CDC37: variants seen among roughly 807,000 people sequenced by gnomAD.
CDC37 encodes the protein hsp90 co-chaperone Cdc37.
CDC37 carries 9 observed loss-of-function variants against 46.9 expected under a neutral mutation model. The observed-to-expected ratio is 0.19, with a 90% CI of 0.12 to 0.33. The LOEUF (loss-of-function observed/expected upper bound fraction) is 0.33. CDC37 is among the 10% of genes least tolerant of loss of function. The pLI is 1.00. For synonymous variants in CDC37, 193 were observed against 191.0 expected, an observed-to-expected ratio of 1.01 and a Z score of -0.09; for missense variants, 388 against 514.6, an observed-to-expected ratio of 0.75 and a Z score of 2.38.
At position 10,399,931 on chromosome 19, in the gene CDC37, TAAAAAA is replaced by T. The variant is rs56162717; in HGVS notation, c.102+3441_102+3446del. ...TGGGCAACAGAGTGAGACTCCGTCTTAAAAAAAAAAAAAAAAAAAAAAAAAGCAGCT... is the reference window on the plus strand; with the variant it reads ...TGGGCAACAGAGTGAGACTCCGTCTTAAAAAAAAAAAAAAAAAAAGCAGCT... On this transcript the variant is annotated intron_variant, in intron 1 of 7. Coordinates refer to ENST00000222005, the MANE Select transcript of CDC37 (RefSeq NM_007065.4). Among the ~76,000 whole-genome samples, 13 of 48,320 alleles carry T rather than the reference TAAAAAA, an allele frequency of 2.7e-4. No homozygotes were observed. In the South Asian group the frequency reaches 3.1e-3, roughly 11 times the overall value. The allele number at this position is 48,320 out of a possible 152,430, so 31.7% of individuals were successfully genotyped here. A position where few individuals can be genotyped will look rare whatever the true frequency, so the allele number is the denominator to read the frequency against.
At chr19:10,397,117 C>T (rs1369781168) in intron 1 of CDC37, among the ~76,000 whole-genome samples, 1 of 152,180 alleles carries the variant, frequency 6.6e-6, no homozygotes, top group Non-Finnish European at 1.5e-5. Flanking sequence ...TTATTTATCA[C>T]GTTTTGGGTA....
chr19:10,392,260 G>A (rs927508229), intron 7 of CDC37, among the ~76,000 whole-genome samples: 2 of 152,152 alleles, frequency 1.3e-5, no homozygotes, highest in Non-Finnish European at 2.9e-5. Flanking sequence ...GGTAGAGCAA[G>A]ATCGGTTGTA....
intron 1 of CDC37, among the ~76,000 whole-genome samples, chr19:10,401,719 A>G (rs956719030): frequency 3.9e-5 from 6 of 152,144 alleles, no homozygotes; most frequent in African/African-American, 1.4e-4. Context: ...GAAGAGACTA[A>G]TGCCGTATTC....
intron 1 of CDC37, 54 bp downstream of exon 1, chr19:10,403,324 C>CA (rs1374527017): frequency 1.2e-5 from 17 of 1,385,230 alleles, no homozygotes; most frequent in Non-Finnish European, 6.1e-6. Flanking sequence ...TCGGGGATCA[C>CA]AACTCCGAAG....
intron 7 of CDC37, 73 bp from the exon 8 acceptor site, chr19:10,391,779 A>G: frequency 2.0e-6 from 3 of 1,496,506 alleles, no homozygotes; most frequent in Non-Finnish European, 2.8e-6. Flanking sequence ...TGTCCCTTGC[A>G]CATCCCCAAG....
chr19:10,391,300 AC>A lies in CDC37; in HGVS notation c.*250del. 1 of 513,196 alleles carries A rather than the reference AC, an allele frequency of 1.9e-6. No homozygotes were observed. The allele number at this position is 513,196 out of a possible 1,614,324, so 31.8% of individuals were successfully genotyped here. On this transcript the variant is annotated 3_prime_UTR_variant, in exon 8 of 8. Transcript: ENST00000222005. ...CCTGGTGACCTCTGCCCTTCCCCGG[AC>A]CCCCGGGCCTTTGGCATAATGCTGA...
intron 5 of CDC37, 67 bp downstream of exon 5, chr19:10,394,954 C>G: frequency 6.7e-7 from 1 of 1,495,662 alleles, no homozygotes; most frequent in African/African-American, 1.4e-5. Context: ...TCGGCCTTAC[C>G]TAGAGCATTG....
intron 1 of CDC37, among the ~76,000 whole-genome samples, chr19:10,402,051 G>A (rs965193726): frequency 1.1e-4 from 17 of 151,282 alleles, no homozygotes; most frequent in Non-Finnish European, 1.9e-4. Context: ...CAGCTACTCA[G>A]GAGGCTGAGG....
In CDC37 at chr19:10,393,364, C is replaced by A; in HGVS notation, c.804G>T (p.Lys268Asn). Residue 268 changes from lysine to asparagine, a missense_variant, in exon 6 of 8, where the codon AAG (lysine) becomes AAT (asparagine). Coordinates refer to ENST00000222005, the MANE Select transcript of CDC37 (RefSeq NM_007065.4). The surrounding 1 kb of genome is among the most constrained non-coding windows in gnomAD (Gnocchi z 4.9). The part of the protein sequence containing the change: ...AFKERVRGRA[K>N]LRIEKAMKEY... ...CCTTCATGGCCTTCTCGATGCGCAG[C>A]TTGGCACGGCCCCGCACACGCTCCT... 6.2e-7 allele frequency: 1 copy of A among 1,614,142 alleles called. No homozygotes were observed. Among genetic ancestry groups the A allele is most frequent in the Non-Finnish European group, 8.5e-7 (1 of 1,180,002 alleles).
At chr19:10,395,904 G>GTCC in intron 2 of CDC37, 24 bp downstream of exon 2, 6 of 1,541,892 alleles carry the variant, frequency 3.9e-6, no homozygotes, top group Admixed American at 1.9e-5. Context: ...CATGCGCACT[G>GTCC]CCCGCCCCGC....
At chr19:10,392,716 TA>T in intron 7 of CDC37, 1 of 280,886 alleles carries the variant, frequency 3.6e-6, no homozygotes. Context: ...CAAAAACAAG[TA>T]GACAAAATCC....
chr19:10,400,162 G>A (rs377374320), intron 1 of CDC37, among the ~76,000 whole-genome samples: 7 of 151,860 alleles, frequency 4.6e-5, no homozygotes, highest in East Asian at 1.9e-4. Context: ...ACCTCCTATC[G>A]GGGAGGGGCT....
Position 10,391,281 on chromosome 19 carries a change from G to T in CDC37, c.*270C>A, listed in dbSNP as rs1037042986. The T allele has an allele frequency of 2.9e-5, 14 of 479,172 alleles. No individual in the cohort carries two copies. The Admixed American group carries it at 3.3e-4, about 11-fold the overall frequency. The allele number at this position is 479,172 out of a possible 1,614,324, so 29.7% of individuals were successfully genotyped here. On this transcript the variant is annotated 3_prime_UTR_variant, in exon 8 of 8. Transcript: ENST00000222005. ...CAACTACCTGGTAGACCAGCCTGGTGACCTCTGCCCTTCCCCGGACCCCCG... is the reference window on the plus strand; with the variant it reads ...CAACTACCTGGTAGACCAGCCTGGTTACCTCTGCCCTTCCCCGGACCCCCG...
chr19:10,394,523 AATTAATTAATTT>A (rs1159453875), intron 5 of CDC37, among the ~76,000 whole-genome samples: 1 of 151,598 alleles, frequency 6.6e-6, no homozygotes, highest in African/African-American at 2.4e-5. Flanking sequence ...ACTTTTATTT[AATTAATTAATTT>A]ATTTATTTAT....
intron 4 of CDC37, 29 bp from the exon 5 acceptor site, chr19:10,395,172 C>T: frequency 6.2e-7 from 1 of 1,610,832 alleles, no homozygotes; most frequent in Non-Finnish European, 8.5e-7. Context: ...ACAGCGTCAC[C>T]AAGTGGCGGC....
chr19:10,395,547 T>C lies in CDC37; in HGVS notation c.379-4A>G, dbSNP rs1415697340. 2 of 1,609,690 alleles carry C rather than the reference T, an allele frequency of 1.2e-6. No individual in the cohort carries two copies. Among genetic ancestry groups the C allele is most frequent in the Non-Finnish European group, 8.5e-7 (1 of 1,175,870 alleles). ...CGGGCTTGGTATTTACCATGCTCTG[T>C]GGTAGGGTGAGAGGGGGAGTGGGCT... On this transcript the variant is annotated splice_region_variant and splice_polypyrimidine_tract_variant and intron_variant, in intron 2 of 7. Transcript: ENST00000222005.
At position 10,396,275 on chromosome 19, in the gene CDC37, G is replaced by A; in HGVS notation, c.103-72C>T. 1 of 1,504,872 alleles carries A rather than the reference G, an allele frequency of 6.6e-7. No individual in the cohort carries two copies. The allele number at this position is 1,504,872 out of a possible 1,614,324, so 93.2% of individuals were successfully genotyped here. Reference sequence around the variant, plus strand: ...TACCCCCGCCCCATACCCAATCCCTGCACCGGAGATGGCCCCAGGAAAAAG... The same window carrying A: ...TACCCCCGCCCCATACCCAATCCCTACACCGGAGATGGCCCCAGGAAAAAG... On this transcript the variant is annotated intron_variant, in intron 1 of 7. Transcript: ENST00000222005. This position sits in a 1 kb window ranked among gnomAD's most constrained non-coding sequence, Gnocchi z 5.9.
chr19:10,395,685 G>C (rs754454931), intron 2 of CDC37, 142 bp from the exon 3 acceptor site: 1 of 821,088 alleles, frequency 1.2e-6, no homozygotes, highest in South Asian at 1.5e-5. Flanking sequence ...TGGCGGGAGC[G>C]TGGGCATGGG....
intron 1 of CDC37, among the ~76,000 whole-genome samples, chr19:10,397,174 G>T (rs183349124): frequency 1.3e-5 from 2 of 152,096 alleles, no homozygotes. Flanking sequence ...ATATGGGAAC[G>T]TGTTCGCCAT....
Sources: allele counts gnomAD v4.1 joint callset (sites outside exome capture counted in the v4.1 genomes callset), GRCh38; gene constraint gnomAD v4.1.1; non-coding constraint Gnocchi (gnomAD v3.1); transcripts MANE v1.5; gene names NCBI Gene and HGNC (gene_info 2026-07-23, HGNC 2026-07-21).